Variants in DOCK5 observed in about 807,000 individuals in gnomAD.
DOCK5 encodes dedicator of cytokinesis 5.
In DOCK5, 142 loss-of-function variants were observed where a neutral mutation model predicts 251.8. The ratio of observed to expected loss-of-function variants is 0.56; its 90% CI spans 0.49 to 0.65. The LOEUF is 0.65. DOCK5 is among the 30% of genes least tolerant of loss of function. The pLI is 0.00. For missense variants in DOCK5, 2,111 were observed against 2,312.3 expected, an observed-to-expected ratio of 0.91 and a Z score of 1.79; for synonymous variants, 842 against 835.5, an observed-to-expected ratio of 1.01 and a Z score of -0.13.
rs1382886364 is a variant in DOCK5, at chr8:25,334,300, A to G, written c.2192+104A>G. On this transcript the variant is annotated intron_variant, in intron 21 of 51. Coordinates refer to ENST00000276440, the MANE Select transcript of DOCK5 (RefSeq NM_024940.8). The stretch of plus-strand genomic sequence containing the variant: ...ACGGACCTATTACTATTCAGTAAAT[A>G]CGCCTGTTAAGGCAGAACTCTTATT... 6 of 915,212 alleles carry G rather than the reference A, an allele frequency of 6.6e-6. No homozygotes were observed. The East Asian group carries it at 1.5e-4, about 22-fold the overall frequency. The allele number at this position is 915,212 out of a possible 1,614,324, so 56.7% of individuals were successfully genotyped here.
intron 15 of DOCK5, 106 bp downstream of exon 15, chr8:25,319,782 T>C (rs1388523580): frequency 9.3e-6 from 7 of 752,628 alleles, no homozygotes; most frequent in Non-Finnish European, 1.5e-5. Flanking sequence ...AATTTTTAGA[T>C]AAGTTGCCTA....
intron 6 of DOCK5, among the ~76,000 whole-genome samples, chr8:25,292,692 T>C (rs1804524692): frequency 6.6e-6 from 1 of 152,108 alleles, no homozygotes; most frequent in Non-Finnish European, 1.5e-5. Context: ...GAGCCATGAT[T>C]GCATGCCTGC....
At chr8:25,340,640 G>A (rs908429076) in intron 22 of DOCK5, among the ~76,000 whole-genome samples, 1 of 152,232 alleles carries the variant, frequency 6.6e-6, no homozygotes, top group Non-Finnish European at 1.5e-5. Flanking sequence ...GGCACGGGCA[G>A]TTCAGTGGCT....
intron 1 of DOCK5, among the ~76,000 whole-genome samples, chr8:25,186,928 G>A (rs1002769321): frequency 7.2e-5 from 11 of 151,916 alleles, no homozygotes; most frequent in African/African-American, 2.4e-4. Flanking sequence ...GGCCAGGTGC[G>A]ATGGCTCACG....
In DOCK5 at chr8:25,374,738, G is replaced by A. The variant is rs530395508; in HGVS notation, c.3816+84G>A. 5 of 1,610,250 alleles carry A rather than the reference G, an allele frequency of 3.1e-6. No individual in the cohort carries two copies. In the East Asian group the frequency reaches 1.1e-4, roughly 36 times the overall value. ...ATTCTATACATTTCATGATTTTGAT[G>A]GGAAAGAACTTTATTCCAGGAATAT... On this transcript the variant is annotated intron_variant, in intron 37 of 51. Transcript: ENST00000276440.
intron 28 of DOCK5, 43 bp downstream of exon 28, chr8:25,359,104 A>T (rs17053446): frequency 0.33 from 507,334 of 1,551,692 alleles, 84,803 homozygotes; most frequent in Non-Finnish European, 0.34. Context: ...AGACTTCTTA[A>T]ATTTGGTTTA....
At chr8:25,196,867 C>T (rs779639068) in intron 1 of DOCK5, among the ~76,000 whole-genome samples, 1 of 152,046 alleles carries the variant, frequency 6.6e-6, no homozygotes, top group Non-Finnish European at 1.5e-5. Context: ...GGAATTGAAC[C>T]GTATGTCTGT....
chr8:25,288,028 G>C (rs1331638238), intron 5 of DOCK5, among the ~76,000 whole-genome samples: 1 of 151,940 alleles, frequency 6.6e-6, no homozygotes, highest in Admixed American at 6.6e-5. Flanking sequence ...TGGGATTATA[G>C]GTACCCGCCA....
chr8:25,252,509 C>T (rs897532988), intron 2 of DOCK5, among the ~76,000 whole-genome samples: 5 of 152,220 alleles, frequency 3.3e-5, no homozygotes, highest in African/African-American at 4.8e-5. Context: ...GATTTTATGA[C>T]GCTGCGTGCA....
At chr8:25,318,525 C>A (rs1805327556) in intron 14 of DOCK5, among the ~76,000 whole-genome samples, 1 of 141,014 alleles carries the variant, frequency 7.1e-6, no homozygotes, top group Non-Finnish European at 1.5e-5. Flanking sequence ...CCCTCCCCTC[C>A]CTTCTCCTCC....
chr8:25,289,376 T>G (rs1804425734), intron 5 of DOCK5, among the ~76,000 whole-genome samples: 1 of 151,620 alleles, frequency 6.6e-6, no homozygotes, highest in South Asian at 2.1e-4. Context: ...GGTCTCAAAC[T>G]CTGAGACTCA....
At chr8:25,233,632 G>A (rs1009861396) in intron 1 of DOCK5, among the ~76,000 whole-genome samples, 1 of 152,194 alleles carries the variant, frequency 6.6e-6, no homozygotes, top group Admixed American at 6.5e-5. Context: ...TAGAGTCCAG[G>A]ATGGTAGTTT....
At chr8:25,336,697 C>T (rs778968866) in intron 22 of DOCK5, among the ~76,000 whole-genome samples, 9 of 152,134 alleles carry the variant, frequency 5.9e-5, no homozygotes, top group Non-Finnish European at 1.0e-4. Context: ...GATCTGCTGT[C>T]GCTAGCAGAA....
chr8:25,373,506 A>T, intron 35 of DOCK5, 112 bp from the exon 36 acceptor site: 2 of 979,688 alleles, frequency 2.0e-6, no homozygotes, highest in Non-Finnish European at 1.5e-6. Context: ...GGAAACAGTG[A>T]TCTCTTTGGA....
chr8:25,402,032 C>G (rs1801447727), intron 47 of DOCK5, among the ~76,000 whole-genome samples: 1 of 152,176 alleles, frequency 6.6e-6, no homozygotes, highest in African/African-American at 2.4e-5. Context: ...CCTTTTCTCT[C>G]CAGTGAGTGA....
intron 2 of DOCK5, among the ~76,000 whole-genome samples, chr8:25,265,782 G>C (rs1182734986): frequency 6.6e-6 from 1 of 151,934 alleles, no homozygotes; most frequent in Admixed American, 6.5e-5. Flanking sequence ...GAGCCAGAGA[G>C]ACATTTGGAT....
chr8:25,322,678 C>G (rs1249575072), intron 16 of DOCK5, among the ~76,000 whole-genome samples: 1 of 152,196 alleles, frequency 6.6e-6, no homozygotes, highest in Non-Finnish European at 1.5e-5. Context: ...AAGGTACATT[C>G]TACTTTTATC....
At chr8:25,288,335 T>C (rs1443851466) in intron 5 of DOCK5, among the ~76,000 whole-genome samples, 1 of 152,244 alleles carries the variant, frequency 6.6e-6, no homozygotes, top group Non-Finnish European at 1.5e-5. Flanking sequence ...TCCATCTCCT[T>C]GAAGTGAATG....
chr8:25,195,931 ACCCCATCATCTCTTTAAAT>A (rs1801714212), intron 1 of DOCK5, among the ~76,000 whole-genome samples: 6 of 152,140 alleles, frequency 3.9e-5, no homozygotes, highest in African/African-American at 1.4e-4. Context: ...ATGAATACTG[ACCCCATCATCTCTTTAAAT>A]TCATCTTGCT....
Sources: gnomAD v4.1 joint callset for allele counts (sites outside exome capture counted in the v4.1 genomes callset) on GRCh38, gnomAD v4.1.1 for gene constraint, MANE v1.5 for transcripts, NCBI Gene and HGNC (gene_info 2026-07-23, HGNC 2026-07-21) for gene names.